FOXN3: variants seen among roughly 807,000 people sequenced by gnomAD.
The protein encoded by FOXN3 is forkhead box N3.
Under a neutral mutation model 38.4 loss-of-function variants are expected in FOXN3, and 7 were observed. The observed-to-expected ratio is 0.18, with a 90% CI of 0.10 to 0.34. The LOEUF (loss-of-function observed/expected upper bound fraction) is 0.34. Ranked by LOEUF, FOXN3 falls within the 10% of genes least tolerant of loss-of-function variation. The pLI, the probability that FOXN3 is intolerant of heterozygous loss-of-function variation, is 1.00. For missense variants in FOXN3, 456 were observed against 613.4 expected (o/e 0.74, Z 2.71); for synonymous variants, 230 against 242.2 (o/e 0.95, Z 0.47).
chr14:89,445,134 C>CA (rs1401266593), intron 1 of FOXN3, among the ~76,000 whole-genome samples: 1 of 150,632 alleles, frequency 6.6e-6, no homozygotes, highest in Non-Finnish European at 1.5e-5. Context: ...GACCCAATCT[C>CA]AAAAATAAAA....
At chr14:89,277,687 T>G (rs1886340306) in intron 4 of FOXN3, among the ~76,000 whole-genome samples, 1 of 152,204 alleles carries the variant, frequency 6.6e-6, no homozygotes, top group Non-Finnish European at 1.5e-5. Context: ...ATAAAGGTAC[T>G]AAGTTTCCAC....
intron 3 of FOXN3, among the ~76,000 whole-genome samples, chr14:89,316,683 T>C (rs1887728683): frequency 6.7e-6 from 1 of 149,636 alleles, no homozygotes; most frequent in Non-Finnish European, 1.5e-5. Context: ...TTTTTTTTTT[T>C]GAGATGGAGT....
chr14:89,536,710 G>A (rs1056389398), intron 1 of FOXN3, among the ~76,000 whole-genome samples: 4 of 151,992 alleles, frequency 2.6e-5, no homozygotes, highest in South Asian at 2.1e-4. Context: ...CCTGGGAGAC[G>A]GAGGTTGCAG....
intron 4 of FOXN3, among the ~76,000 whole-genome samples, chr14:89,273,311 A>G (rs1326782415): frequency 1.3e-5 from 2 of 152,206 alleles, no homozygotes; most frequent in Non-Finnish European, 2.9e-5. Flanking sequence ...ACACCCCAGC[A>G]GGGACCTGGC....
At chr14:89,413,803 G>A (rs1397983593) in intron 1 of FOXN3, among the ~76,000 whole-genome samples, 1 of 142,616 alleles carries the variant, frequency 7.0e-6, no homozygotes, top group Non-Finnish European at 1.5e-5. Context: ...AAGAAGAAAG[G>A]AAGGGAAAGA....
chr14:89,483,561 A>G (rs900873192), intron 1 of FOXN3, among the ~76,000 whole-genome samples: 4 of 152,138 alleles, frequency 2.6e-5, no homozygotes, highest in Non-Finnish European at 5.9e-5. Flanking sequence ...GGCACCCACC[A>G]TCACACCCAG....
chr14:89,586,030 T>G (rs1895835197), intron 1 of FOXN3, among the ~76,000 whole-genome samples: 2 of 152,244 alleles, frequency 1.3e-5, no homozygotes, highest in East Asian at 1.9e-4. Context: ...CGTATGTATG[T>G]GAAGTAGTAT....
At chr14:89,580,499 A>C (rs1895720711) in intron 1 of FOXN3, among the ~76,000 whole-genome samples, 1 of 152,216 alleles carries the variant, frequency 6.6e-6, no homozygotes, top group Non-Finnish European at 1.5e-5. Context: ...AAAACCCTTT[A>C]AGGGGATACA....
intron 1 of FOXN3, among the ~76,000 whole-genome samples, chr14:89,596,168 C>T (rs1896052130): frequency 6.6e-6 from 1 of 152,096 alleles, no homozygotes; most frequent in Non-Finnish European, 1.5e-5. Context: ...GACAGAGTCT[C>T]ACTCTGTCAC....
chr14:89,413,819 G>A (rs998928722), intron 1 of FOXN3, among the ~76,000 whole-genome samples: 4 of 136,848 alleles, frequency 2.9e-5, no homozygotes, highest in Non-Finnish European at 6.3e-5. Context: ...AAAGAGAAGG[G>A]AAAAGGAAGG....
At chr14:89,295,022 A>G (rs1405023214) in intron 3 of FOXN3, among the ~76,000 whole-genome samples, 1 of 152,088 alleles carries the variant, frequency 6.6e-6, no homozygotes, top group Non-Finnish European at 1.5e-5. Flanking sequence ...GTGAGAGCCA[A>G]TCGGTGCTGG....
At chr14:89,398,457 G>A (rs1457570298) in intron 2 of FOXN3, among the ~76,000 whole-genome samples, 5 of 152,106 alleles carry the variant, frequency 3.3e-5, no homozygotes, top group Non-Finnish European at 7.4e-5. Flanking sequence ...AGCTGACAGG[G>A]AGAAGTAGTC....
At position 89,162,483 on chromosome 14, in the gene FOXN3, G is replaced by A; in HGVS notation, c.1338C>T (p.Ser446=). ...TCCGATTGGTGATGTTATTCAAACA[G>A]GACCGGATCCCTGCTAAGTGCAGGA... ...GSLLHLAGIR[S]CLNNITNRTA... Residue 446 remains serine, a synonymous_variant, in exon 6 of 6, where the codon TCC becomes TCT. Coordinates refer to ENST00000557258, the MANE Select transcript of FOXN3 (RefSeq NM_005197.4). The surrounding 1 kb of genome is among the most constrained non-coding windows in gnomAD (Gnocchi z 7.2). 1.9e-6 allele frequency: 3 copies of A among 1,612,776 alleles called. No individual in the cohort carries two copies. Among genetic ancestry groups the A allele is most frequent in the Non-Finnish European group, 2.5e-6 (3 of 1,179,632 alleles).
intron 2 of FOXN3, among the ~76,000 whole-genome samples, chr14:89,399,356 A>G (rs1891187232): frequency 6.6e-6 from 1 of 152,170 alleles, no homozygotes; most frequent in East Asian, 1.9e-4. Flanking sequence ...TGCAAAGAGG[A>G]GGCTAGAACA....
At chr14:89,178,326 T>G (rs1408875450) in intron 5 of FOXN3, among the ~76,000 whole-genome samples, 1 of 152,190 alleles carries the variant, frequency 6.6e-6, no homozygotes, top group African/African-American at 2.4e-5. Context: ...ATTTTTAAAC[T>G]TTTTGTAGAG....
chr14:89,169,544 A>T (rs1362665075), intron 5 of FOXN3, among the ~76,000 whole-genome samples: 1 of 152,006 alleles, frequency 6.6e-6, no homozygotes, highest in Non-Finnish European at 1.5e-5. Context: ...AAACACACAC[A>T]CACACAAAAC....
At chr14:89,367,951 T>C (rs1474068633) in intron 2 of FOXN3, among the ~76,000 whole-genome samples, 2 of 152,124 alleles carry the variant, frequency 1.3e-5, no homozygotes, top group African/African-American at 2.4e-5. Context: ...CCTCACCAAT[T>C]ATGTTCCTGT....
At chr14:89,513,311 G>A (rs1894134324) in intron 1 of FOXN3, among the ~76,000 whole-genome samples, 1 of 151,604 alleles carries the variant, frequency 6.6e-6, no homozygotes, top group South Asian at 2.1e-4. Context: ...TGTGGCCCAG[G>A]CTGGAGTGCA....
intron 3 of FOXN3, among the ~76,000 whole-genome samples, chr14:89,296,186 T>C (rs1887035764): frequency 6.6e-6 from 1 of 152,200 alleles, no homozygotes; most frequent in African/African-American, 2.4e-5. Context: ...AAAACTCTGC[T>C]TAAAACCACG....
Sources: gnomAD v4.1 joint callset for allele counts (sites outside exome capture counted in the v4.1 genomes callset) on GRCh38, gnomAD v4.1.1 for gene constraint, Gnocchi (gnomAD v3.1) non-coding constraint, MANE v1.5 for transcripts, NCBI Gene and HGNC (gene_info 2026-07-23, HGNC 2026-07-21) for gene names.